The following CACNB4 variants were observed in gnomAD, a reference collection of about 807,000 sequenced individuals.
CACNB4 encodes voltage-dependent L-type calcium channel subunit beta-4.
In CACNB4, 32 loss-of-function variants were observed where a neutral mutation model predicts 71.2. That is an observed-to-expected ratio of 0.45 (90% CI 0.34 to 0.60). The LOEUF (loss-of-function observed/expected upper bound fraction) is 0.60, where lower values mean the gene tolerates loss of function less well. CACNB4 is among the 20% of genes least tolerant of loss of function. The probability of loss-of-function intolerance (pLI) is 0.01; values close to 1 mark genes in which losing one functional copy is unlikely to be tolerated. For synonymous variants in CACNB4, 231 were observed against 236.9 expected, an observed-to-expected ratio of 0.97 and a Z score of 0.23; for missense variants, 464 against 647.9, an observed-to-expected ratio of 0.72 and a Z score of 3.08.
chr2:151,872,761 G>T, intron 5 of CACNB4: 1 of 286,526 alleles, frequency 3.5e-6, no homozygotes, highest in Non-Finnish European at 6.5e-6. Flanking sequence ...ATCACTGACG[G>T]GAATGGTCTT....
intron 2 of CACNB4, among the ~76,000 whole-genome samples, chr2:151,889,639 C>T (rs2099850250): frequency 6.6e-6 from 1 of 152,178 alleles, no homozygotes; most frequent in South Asian, 2.1e-4. Flanking sequence ...GGTGACTTTC[C>T]CAGATTTCCC....
intron 2 of CACNB4, among the ~76,000 whole-genome samples, chr2:151,961,131 A>G (rs925568344): frequency 6.6e-6 from 1 of 152,190 alleles, no homozygotes; most frequent in Non-Finnish European, 1.5e-5. Context: ...CAGAAATGTA[A>G]AAATCTCACA....
chr2:152,029,612 G>A (rs1379479979), intron 2 of CACNB4, among the ~76,000 whole-genome samples: 1 of 152,012 alleles, frequency 6.6e-6, no homozygotes, highest in African/African-American at 2.4e-5. Context: ...TTAGGAAGAG[G>A]GTCTGCTATG....
At chr2:152,077,237 A>G (rs528674279) in intron 2 of CACNB4, among the ~76,000 whole-genome samples, 2 of 152,190 alleles carry the variant, frequency 1.3e-5, no homozygotes, top group East Asian at 3.9e-4. Flanking sequence ...CCTGGCCAAA[A>G]TGGCGAAACC....
At chr2:151,952,193 A>T (rs1482168946) in intron 2 of CACNB4, among the ~76,000 whole-genome samples, 1 of 152,146 alleles carries the variant, frequency 6.6e-6, no homozygotes, top group African/African-American at 2.4e-5. Flanking sequence ...AACGATCTAA[A>T]CCATCCACTC....
At position 151,922,483 on chromosome 2, in the gene CACNB4, G is replaced by A. The variant is rs956642656; in HGVS notation, c.148-39113C>T. 1.1e-4 allele frequency among the ~76,000 whole-genome samples: 16 copies of A among 152,296 alleles called. No individual in the cohort carries two copies. The East Asian group carries it at 1.2e-3, about 11-fold the overall frequency. ...CTCCCAAAGTGCTGGGATTAAAAGC[G>A]TGAACTATGATACCCAGTTAATAAG... On this transcript the variant is annotated intron_variant, in intron 2 of 13. Transcript: ENST00000539935.
At chr2:151,986,211 A>G (rs1209333181) in intron 2 of CACNB4, among the ~76,000 whole-genome samples, 1 of 152,194 alleles carries the variant, frequency 6.6e-6, no homozygotes, top group Non-Finnish European at 1.5e-5. Context: ...CATTGCTGTT[A>G]GTCTCATTTC....
chr2:151,895,129 CACACACACACACACACAA>C (rs1354275745), intron 2 of CACNB4, among the ~76,000 whole-genome samples: 1 of 150,678 alleles, frequency 6.6e-6, no homozygotes, highest in Non-Finnish European at 1.5e-5. Flanking sequence ...CACACACACA[CACACACACACACACACAA>C]ATCCTGAGCA....
intron 2 of CACNB4, among the ~76,000 whole-genome samples, chr2:151,989,850 C>T (rs1016353536): frequency 6.6e-6 from 1 of 152,222 alleles, no homozygotes; most frequent in East Asian, 1.9e-4. Context: ...TGACTACCCA[C>T]CCAGTTGTCC....
chr2:152,023,340 C>G lies in CACNB4; in HGVS notation c.147+74990G>C, dbSNP rs181162868. On this transcript the variant is annotated intron_variant, in intron 2 of 13. Coordinates refer to ENST00000539935, the MANE Select transcript of CACNB4 (RefSeq NM_000726.5). Reference sequence around the variant, plus strand: ...TGAGATTTGGGTGGGGACACAGAGCCAAACCATATCAAGGAGGCCCAAGAA... The same window carrying G: ...TGAGATTTGGGTGGGGACACAGAGCGAAACCATATCAAGGAGGCCCAAGAA... Among the ~76,000 whole-genome samples the G allele has an allele frequency of 1.4e-3, 207 of 152,064 alleles. 1 individual carries two copies. Among genetic ancestry groups the G allele is most frequent in the African/African-American group, 4.3e-3 (178 of 41,484 alleles).
At chr2:152,072,427 T>G (rs975133220) in intron 2 of CACNB4, among the ~76,000 whole-genome samples, 7 of 152,250 alleles carry the variant, frequency 4.6e-5, no homozygotes, top group Admixed American at 4.6e-4. Context: ...AAGAGTATAA[T>G]TATTTTCACA....
chr2:151,862,754 C>T (rs2099842056), intron 9 of CACNB4, among the ~76,000 whole-genome samples: 1 of 152,200 alleles, frequency 6.6e-6, no homozygotes, highest in Admixed American at 6.5e-5. Context: ...GAAAGCTGCA[C>T]ATGGTTAGTT....
intron 3 of CACNB4, among the ~76,000 whole-genome samples, 173 bp from the exon 4 acceptor site, chr2:151,881,095 G>A (rs1210137041): frequency 6.6e-6 from 1 of 152,166 alleles, no homozygotes; most frequent in African/African-American, 2.4e-5. Context: ...CTCTGAAAAT[G>A]ATTGGTCCTA....
At chr2:151,844,569 C>G (rs1280016419) in intron 12 of CACNB4, among the ~76,000 whole-genome samples, 1 of 152,188 alleles carries the variant, frequency 6.6e-6, no homozygotes, top group Admixed American at 6.5e-5. Context: ...AATTCCTTGT[C>G]TCTTGCAATC....
intron 2 of CACNB4, among the ~76,000 whole-genome samples, chr2:151,915,517 G>GT (rs1385466548): frequency 6.6e-6 from 1 of 152,204 alleles, no homozygotes; most frequent in Non-Finnish European, 1.5e-5. Flanking sequence ...GGGTTCTGTA[G>GT]GCTTAAGCTG....
intron 2 of CACNB4, among the ~76,000 whole-genome samples, chr2:151,966,469 T>TG (rs544686337): frequency 3.1e-4 from 47 of 152,136 alleles, no homozygotes; most frequent in African/African-American, 9.9e-4. Flanking sequence ...TTAGTACAGA[T>TG]GGGGTTTCAC....
At chr2:151,932,155 C>A (rs182954457) in intron 2 of CACNB4, among the ~76,000 whole-genome samples, 2 of 151,830 alleles carry the variant, frequency 1.3e-5, no homozygotes, top group East Asian at 3.9e-4. Flanking sequence ...TTACAATAAG[C>A]ACATAAAATA....
chr2:151,948,302 G>A (rs1321207276), intron 2 of CACNB4, among the ~76,000 whole-genome samples: 3 of 152,180 alleles, frequency 2.0e-5, no homozygotes, highest in Non-Finnish European at 4.4e-5. Context: ...TAAGCAAAAG[G>A]CAGAAGACAG....
At chr2:151,862,453 G>T (rs747205150) in intron 9 of CACNB4, among the ~76,000 whole-genome samples, 10 of 152,134 alleles carry the variant, frequency 6.6e-5, no homozygotes, top group Non-Finnish European at 1.3e-4. Context: ...TAAAATTTTA[G>T]AACTGTTAGA....
Sources: gnomAD v4.1 joint callset for allele counts (sites outside exome capture counted in the v4.1 genomes callset) on GRCh38, gnomAD v4.1.1 for gene constraint, MANE v1.5 for transcripts, NCBI Gene and HGNC (gene_info 2026-07-23, HGNC 2026-07-21) for gene names.